RAVER2: variants seen among roughly 807,000 people sequenced by gnomAD.
RAVER2 encodes the protein ribonucleoprotein PTB-binding 2.
Under a neutral mutation model 78.1 loss-of-function variants are expected in RAVER2, and 46 were observed. That is an observed-to-expected ratio of 0.59 (90% CI 0.46 to 0.75). The LOEUF (loss-of-function observed/expected upper bound fraction) is 0.75, where lower values mean the gene tolerates loss of function less well. Ranked by LOEUF, RAVER2 falls within the 30% of genes least tolerant of loss-of-function variation. The pLI, the probability that RAVER2 is intolerant of heterozygous loss-of-function variation, is 0.00. For synonymous variants in RAVER2, 311 were observed against 313.3 expected, an observed-to-expected ratio of 0.99 and a Z score of 0.08; for missense variants, 793 against 837.5, an observed-to-expected ratio of 0.95 and a Z score of 0.66.
exon 7 of RAVER2, chr1:64,804,738 C>T (rs1302637978): frequency 7.2e-7 from 1 of 1,391,824 alleles, no homozygotes; most frequent in Non-Finnish European, 1.0e-6. Context: ...TCACAGAGCT[C>T]AGTTATGGGT....
At chr1:64,758,541 A>G (rs749188204) in intron 1 of RAVER2, among the ~76,000 whole-genome samples, 1 of 152,188 alleles carries the variant, frequency 6.6e-6, no homozygotes, top group Non-Finnish European at 1.5e-5. Context: ...TGGAGTGGGC[A>G]TGGGCAAGGA....
At chr1:64,805,947 C>A (rs1468830348) in intron 8 of RAVER2, among the ~76,000 whole-genome samples, 1 of 152,040 alleles carries the variant, frequency 6.6e-6, no homozygotes, top group African/African-American at 2.4e-5. Context: ...GTTGGATTAA[C>A]TAATAAATTA....
intron 3 of RAVER2, among the ~76,000 whole-genome samples, chr1:64,779,015 T>C (rs1361982446): frequency 6.7e-6 from 1 of 149,154 alleles, no homozygotes; most frequent in Non-Finnish European, 1.5e-5. Flanking sequence ...TTATTTAAGT[T>C]GACAGTTAAA....
chr1:64,804,827 C>A, exon 7 of RAVER2: 2 of 1,548,692 alleles, frequency 1.3e-6, no homozygotes, highest in South Asian at 2.3e-5. Context: ...TGAGAATATT[C>A]ATACTAATAA....
At chr1:64,783,879 T>C (rs940792279) in intron 4 of RAVER2, among the ~76,000 whole-genome samples, 1 of 152,226 alleles carries the variant, frequency 6.6e-6, no homozygotes, top group South Asian at 2.1e-4. Context: ...TACTGGGCTT[T>C]ATAACCATGC....
At chr1:64,803,814 A>C (rs1653337403) in intron 6 of RAVER2, among the ~76,000 whole-genome samples, 1 of 152,200 alleles carries the variant, frequency 6.6e-6, no homozygotes, top group Non-Finnish European at 1.5e-5. Context: ...TACTGTGTGG[A>C]ATGTAACATT....
Position 64,803,368 on chromosome 1 carries a change from T to C in RAVER2, c.1191+307T>C, listed in dbSNP as rs1244060769. Among the ~76,000 whole-genome samples the C allele has an allele frequency of 7.2e-5, 11 of 152,122 alleles. 1 individual carries two copies. Among genetic ancestry groups the C allele is most frequent in the Non-Finnish European group, 1.5e-5 (1 of 67,992 alleles). On this transcript the variant is annotated intron_variant, in intron 6 of 11. Coordinates refer to ENST00000294428, the Ensembl canonical transcript of RAVER2. ...GTTCAAGACACGGCTTCTTATGTGG[T>C]CTTAACTCAAAAAAGTATTTCTAGA... is the stretch of plus-strand genomic sequence containing the variant.
rs919461443 is a variant in RAVER2 at position 64,814,623 on chromosome 1, A to C, written c.1793-81A>C. On this transcript the variant is annotated intron_variant, in intron 10 of 11. Coordinates refer to ENST00000294428, the Ensembl canonical transcript of RAVER2. The stretch of plus-strand genomic sequence containing the variant: ...TTTATAATATAACTTATAATAAAAT[A>C]ATTTATTTAAAATAACCTAAATAAA... 1.2e-4 allele frequency: 95 copies of C among 761,862 alleles called. No homozygotes were observed. The East Asian group carries it at 4.4e-3, about 36-fold the overall frequency. 47.2% of individuals were successfully genotyped at this position (761,862 alleles called of 1,614,324 possible).
chr1:64,805,223 T>A (rs1653384748), intron 8 of RAVER2, 118 bp downstream of exon 8: 1 of 939,242 alleles, frequency 1.1e-6, no homozygotes, highest in African/African-American at 1.7e-5. Flanking sequence ...TATTTAGTCA[T>A]TTAAAATTTT....
chr1:64,798,122 G>C (rs997314869), intron 5 of RAVER2, among the ~76,000 whole-genome samples: 5 of 122,650 alleles, frequency 4.1e-5, no homozygotes, highest in African/African-American at 1.6e-4. Flanking sequence ...CCCTTCCTGT[G>C]TCCATGTGAT....
chr1:64,804,553 C>G (rs1653358105), intron 6 of RAVER2, among the ~76,000 whole-genome samples, 181 bp from the exon 7 acceptor site: 2 of 152,086 alleles, frequency 1.3e-5, no homozygotes, highest in African/African-American at 4.8e-5. Context: ...GACTGCATGG[C>G]CCCCTCTTGT....
At chr1:64,755,502 C>T (rs1456486353) in intron 1 of RAVER2, among the ~76,000 whole-genome samples, 1 of 152,064 alleles carries the variant, frequency 6.6e-6, no homozygotes, top group East Asian at 1.9e-4. Context: ...CATTGTCTCT[C>T]TTCCTGCTAC....
intron 11 of RAVER2, among the ~76,000 whole-genome samples, chr1:64,823,410 G>A (rs1047467125): frequency 6.6e-6 from 1 of 152,082 alleles, no homozygotes; most frequent in African/African-American, 2.4e-5. Context: ...AACTATGATT[G>A]GGAAAACTTA....
chr1:64,757,293 A>G (rs1651881046), intron 1 of RAVER2, among the ~76,000 whole-genome samples: 1 of 152,128 alleles, frequency 6.6e-6, no homozygotes. Context: ...TCTCTCTCCA[A>G]ATTGATATGT....
intron 11 of RAVER2, among the ~76,000 whole-genome samples, chr1:64,830,574 AATT>A (rs1557610162): frequency 6.6e-6 from 1 of 152,180 alleles, no homozygotes; most frequent in African/African-American, 2.4e-5. Context: ...GCAGTGCTCT[AATT>A]TTTTCTTTTC....
At chr1:64,824,716 G>C (rs1653965906) in intron 11 of RAVER2, among the ~76,000 whole-genome samples, 1 of 151,998 alleles carries the variant, frequency 6.6e-6, no homozygotes, top group South Asian at 2.1e-4. Context: ...GATCACCTGA[G>C]GTCAAGAATT....
intron 1 of RAVER2, among the ~76,000 whole-genome samples, chr1:64,767,617 A>C (rs193271418): frequency 6.6e-6 from 1 of 152,146 alleles, no homozygotes; most frequent in Admixed American, 6.6e-5. Context: ...TAACTCTCTA[A>C]TCTGGAGTCA....
intron 11 of RAVER2, among the ~76,000 whole-genome samples, chr1:64,817,819 T>C (rs963567211): frequency 6.6e-6 from 1 of 151,922 alleles, no homozygotes; most frequent in Non-Finnish European, 1.5e-5. Flanking sequence ...AGCTAATGGG[T>C]GCAGCACACC....
rs1208467922 is a variant in RAVER2 at position 64,768,739 on chromosome 1, A to G, written c.316+17A>G. The G allele has an allele frequency of 7.0e-7, 1 of 1,436,156 alleles. No homozygotes were observed. The highest frequency in any genetic ancestry group is 1.8e-5 in the Admixed American group (1 of 56,434). 89.0% of individuals were successfully genotyped at this position (1,436,156 alleles called of 1,614,324 possible). On this transcript the variant is annotated intron_variant, in intron 2 of 11. Transcript: ENST00000294428. ...AACGAACAGGTAAGATTTCTATTCT[A>G]AGTGTCTAATTTCATTTTGATTCTC...
Sources: allele counts gnomAD v4.1 joint callset (sites outside exome capture counted in the v4.1 genomes callset), GRCh38; gene constraint gnomAD v4.1.1; transcripts MANE v1.5; gene names NCBI Gene and HGNC (gene_info 2026-07-23, HGNC 2026-07-21).